CACNA1H: variants seen among roughly 807,000 people sequenced by gnomAD.
CACNA1H encodes the protein voltage-dependent T-type calcium channel subunit alpha-1H.
CACNA1H carries 149 observed loss-of-function variants against 192.5 expected under a neutral mutation model. The observed-to-expected ratio is 0.77, with a 90% CI of 0.68 to 0.89. CACNA1H has a LOEUF of 0.89. CACNA1H is among the 40% of genes least tolerant of loss of function. The pLI, the probability that CACNA1H is intolerant of heterozygous loss-of-function variation, is 0.00. For synonymous variants in CACNA1H, 2,202 were observed against 1,475.2 expected, an observed-to-expected ratio of 1.49 and a Z score of -11.29; for missense variants, 4,257 against 3,423.5, an observed-to-expected ratio of 1.24 and a Z score of -6.08.
At chr16:1,192,518 G>A (rs1966714043) in intron 2 of CACNA1H, among the ~76,000 whole-genome samples, 1 of 152,240 alleles carries the variant, frequency 6.6e-6, no homozygotes, top group Admixed American at 6.5e-5. Flanking sequence ...GTCTGGGCCG[G>A]GTCCAGAAGT....
At position 1,220,481 on chromosome 16, in the gene CACNA1H, AAAG is replaced by A. The variant is rs766893201; in HGVS notation, c.6557_6559del (p.Lys2186del). The A allele has an allele frequency of 9.3e-5, 144 of 1,545,920 alleles. No homozygotes were observed. The highest frequency in any genetic ancestry group is 1.1e-4 in the Non-Finnish European group (126 of 1,154,766). On this transcript the variant is annotated inframe_deletion, in exon 35 of 35. Coordinates refer to ENST00000348261, the MANE Select transcript of CACNA1H (RefSeq NM_021098.3). Reference sequence around the variant, plus strand: ...CCGAGCCCGCTCTGGGTGCGCGCAGAAAGAAGAAGATGAGCCCCCCCTGCATCT... The same window carrying A: ...CCGAGCCCGCTCTGGGTGCGCGCAGAAAGAAGATGAGCCCCCCCTGCATCT...
chr16:1,218,777 G>C (rs1044224847), intron 33 of CACNA1H, 126 bp downstream of exon 33: 3 of 1,171,006 alleles, frequency 2.6e-6, no homozygotes, highest in Admixed American at 4.6e-5. Flanking sequence ...CGGGAAGGAG[G>C]ATGGGGGCAG....
intron 2 of CACNA1H, among the ~76,000 whole-genome samples, chr16:1,168,810 G>T (rs894314174): frequency 3.6e-4 from 55 of 152,204 alleles, no homozygotes; most frequent in Middle Eastern, 3.4e-3. Context: ...GGAGCCTGAG[G>T]CCCGAGGAGG....
intron 2 of CACNA1H, among the ~76,000 whole-genome samples, chr16:1,186,638 C>T (rs532222303): frequency 2.0e-5 from 3 of 152,266 alleles, no homozygotes; most frequent in East Asian, 1.9e-4. Flanking sequence ...GGTCACGTGT[C>T]CTCCGTGACT....
chr16:1,212,380 C>T (rs1429202689), intron 25 of CACNA1H, 131 bp from the exon 26 acceptor site: 2 of 1,062,804 alleles, frequency 1.9e-6, no homozygotes, highest in East Asian at 5.2e-5. Flanking sequence ...GAGGCAGGTT[C>T]CCCACCGAGT....
intron 17 of CACNA1H, among the ~76,000 whole-genome samples, chr16:1,209,785 C>T (rs1969204343): frequency 6.6e-6 from 1 of 152,164 alleles, no homozygotes; most frequent in South Asian, 2.1e-4. Flanking sequence ...GACCCAAGAG[C>T]ACCCGCTCAC....
Position 1,219,048 on chromosome 16 carries a change from C to T in CACNA1H, c.5966C>T (p.Ala1989Val). 8 of 1,549,986 alleles carry T rather than the reference C, an allele frequency of 5.2e-6. No homozygotes were observed. Among genetic ancestry groups the T allele is most frequent in the Non-Finnish European group, 7.0e-6 (8 of 1,146,802 alleles). ...LQIPLAVSSP[A>V]RSGEPLHALS... ...ATCCCATTGGCTGTGTCGTCCCCAG[C>T]CAGGAGCGGCGAGCCCCTCCACGCC... Residue 1989 changes from alanine (A) to valine (V), a missense_variant, in exon 34 of 35, where the codon GCC (alanine) becomes GTC (valine). Physicochemically the swap from Ala to Val is moderately conservative, Grantham distance 64. Transcript: ENST00000348261.
chr16:1,207,386 T>C lies in CACNA1H; in HGVS notation c.3019T>C (p.Phe1007Leu), dbSNP rs764517695. The C allele has an allele frequency of 1.2e-5, 20 of 1,613,156 alleles. No individual in the cohort carries two copies. The highest frequency in any genetic ancestry group is 1.6e-5 in the Non-Finnish European group (19 of 1,179,820). The stretch of plus-strand genomic sequence containing the variant: ...CATGACCTTCGGCAACTATGTGCTC[T>C]TCAACCTGCTGGTGGCCATCCTCGT... ...ALMTFGNYVL[F>L]NLLVAILVEG... The change falls in exon 14 of 35, where the codon TTC (phenylalanine) becomes CTC (leucine). Residue 1007 changes from phenylalanine to leucine, a missense_variant. Phe to Leu is a conservative substitution (Grantham distance 22, BLOSUM62 0). Transcript: ENST00000348261.
intron 4 of CACNA1H, 132 bp downstream of exon 4, chr16:1,195,697 T>C: frequency 2.6e-6 from 3 of 1,146,232 alleles, no homozygotes; most frequent in Non-Finnish European, 3.7e-6. Context: ...CCAGGGACCC[T>C]GTCTGGGACT....
At position 1,213,802 on chromosome 16, in the gene CACNA1H, T is replaced by C. The variant is rs1184745656; in HGVS notation, c.4800T>C (p.Tyr1600=). 1 of 1,571,294 alleles carries C rather than the reference T, an allele frequency of 6.4e-7. No individual in the cohort carries two copies. The highest frequency in any genetic ancestry group is 8.6e-7 in the Non-Finnish European group (1 of 1,160,574). ...CAGAGGCCCAGCGCCGGCCCTACTA[T>C]GCCGACTACTCGCCCACGCGCCGCT... ...PSPEAQRRPY[Y]ADYSPTRRSI... is the part of the protein sequence containing the mutation. Residue 1600 remains tyrosine, a synonymous_variant, in exon 27 of 35, where the codon TAT becomes TAC. Coordinates refer to ENST00000348261, the MANE Select transcript of CACNA1H (RefSeq NM_021098.3).
rs1596475485 is a variant in CACNA1H, at chr16:1,218,206, G to A, written c.5446-4G>A. 26 of 1,547,726 alleles carry A rather than the reference G, an allele frequency of 1.7e-5. No homozygotes were observed. The highest frequency in any genetic ancestry group is 8.2e-5 in the African/African-American group (6 of 73,028). On this transcript the variant is annotated splice_region_variant and splice_polypyrimidine_tract_variant and intron_variant, in intron 32 of 34. Coordinates refer to ENST00000348261, the MANE Select transcript of CACNA1H (RefSeq NM_021098.3). ...CCCCGGCCCACAGCTGTCCCCCACC[G>A]CAGGACACGCTGCGCGAGTGCTCCC...
In CACNA1H at chr16:1,210,607, A is replaced by C; in HGVS notation, c.3994A>C (p.Asn1332His). The part of the protein sequence containing the change: ...STERVFLSVS[N>H]YIFTAIFVAE... ...GGAGCGGGTCTTCCTCAGCGTCTCCAATTACATCTTCACGGCCATCTTCGT... is the reference window on the plus strand; with the variant it reads ...GGAGCGGGTCTTCCTCAGCGTCTCCCATTACATCTTCACGGCCATCTTCGT... Residue 1332 changes from asparagine to histidine, a missense_variant, in exon 20 of 35, where the codon AAT (asparagine) becomes CAT (histidine). Asn to His is a moderately conservative substitution (Grantham distance 68, BLOSUM62 1). Transcript: ENST00000348261. 1 of 1,607,864 alleles carries C rather than the reference A, an allele frequency of 6.2e-7. No homozygotes were observed. The highest frequency in any genetic ancestry group is 8.5e-7 in the Non-Finnish European group (1 of 1,179,776).
rs1472642171 is a variant in CACNA1H, at chr16:1,205,195, C to T, written c.2533C>T (p.Leu845=). The change falls in exon 11 of 35, where the codon CTG becomes TTG. Residue 845 remains leucine, a synonymous_variant. Coordinates refer to ENST00000348261, the MANE Select transcript of CACNA1H (RefSeq NM_021098.3). ...MFALEMLLKL[L]ACGPLGYIRN... ...TGCCCTGGAGATGCTGCTGAAGCTG[C>T]TGGCCTGCGGCCCTCTGGGCTACAT... The T allele has an allele frequency of 3.1e-6, 5 of 1,613,104 alleles. No homozygotes were observed. The highest frequency in any genetic ancestry group is 3.4e-6 in the Non-Finnish European group (4 of 1,179,772).
At chr16:1,172,276 C>T (rs1396121666) in intron 2 of CACNA1H, among the ~76,000 whole-genome samples, 1 of 152,188 alleles carries the variant, frequency 6.6e-6, no homozygotes, top group Non-Finnish European at 1.5e-5. Context: ...GCTCCCCCCA[C>T]AGTGCATCAC....
At chr16:1,193,338 C>T (rs147564196) in intron 2 of CACNA1H, among the ~76,000 whole-genome samples, 272 of 152,362 alleles carry the variant, frequency 1.8e-3, no homozygotes, top group African/African-American at 6.2e-3. Context: ...GCACTAGTGC[C>T]GGGTCAGGAG....
chr16:1,167,746 C>T lies in CACNA1H; in HGVS notation c.299+13710C>T, dbSNP rs1000243166. Among the ~76,000 whole-genome samples, 27 of 152,328 alleles carry T rather than the reference C, an allele frequency of 1.8e-4. No homozygotes were observed. The highest frequency in any genetic ancestry group is 5.2e-4 in the Admixed American group (8 of 15,310). On this transcript the variant is annotated intron_variant, in intron 2 of 34. Coordinates refer to ENST00000348261, the MANE Select transcript of CACNA1H (RefSeq NM_021098.3). This position sits in a 1 kb window ranked among gnomAD's most constrained non-coding sequence, Gnocchi z 4.2. ...CTTTGCTTCCTGAAAGGAGCCCACC[C>T]CTCCTTCAGGGACACACCCAGACAC...
Position 1,200,347 on chromosome 16 carries a change from A to C in CACNA1H, c.895A>C (p.Met299Leu), listed in dbSNP as rs1219214145. Residue 299 changes from methionine to leucine, a missense_variant, in exon 7 of 35, where the codon ATG (methionine) becomes CTG (leucine). Transcript: ENST00000348261. ...FICSSRRDNGMQKCSHIPGRR... is the reference protein window; with the variant it reads ...FICSSRRDNGLQKCSHIPGRR... ...CTGCTCCTCACGCCGAGACAACGGC[A>C]TGCAGAAGTGCTCGCACATCCCCGG... 2 of 1,602,692 alleles carry C rather than the reference A, an allele frequency of 1.2e-6. No individual in the cohort carries two copies. The highest frequency in any genetic ancestry group is 2.2e-5 in the South Asian group (2 of 89,796).
At chr16:1,218,140 G>T (rs1970186078) in intron 32 of CACNA1H, 70 bp from the exon 33 acceptor site, 2 of 1,532,986 alleles carry the variant, frequency 1.3e-6, no homozygotes, top group Non-Finnish European at 1.8e-6. Context: ...CAGGGGGAAG[G>T]GGACGGCACT....
intron 2 of CACNA1H, among the ~76,000 whole-genome samples, chr16:1,178,972 CCCA>C (rs1033133084): frequency 6.6e-6 from 1 of 152,230 alleles, no homozygotes; most frequent in Admixed American, 6.5e-5. Context: ...CCCTCCCAGC[CCCA>C]CCATTTTCCT....
Sources: gnomAD v4.1 joint callset for allele counts (sites outside exome capture counted in the v4.1 genomes callset) on GRCh38, gnomAD v4.1.1 for gene constraint, Gnocchi (gnomAD v3.1) non-coding constraint, MANE v1.5 for transcripts, NCBI Gene and HGNC (gene_info 2026-07-23, HGNC 2026-07-21) for gene names.